ST6GAL2: variants seen among roughly 807,000 people sequenced by gnomAD.
ST6GAL2 encodes ST6 beta-galactoside alpha-2,6-sialyltransferase 2.
ST6GAL2 carries 24 observed loss-of-function variants against 37.5 expected under a neutral mutation model. That is an observed-to-expected ratio of 0.64 (90% CI 0.46 to 0.90). The LOEUF (loss-of-function observed/expected upper bound fraction) is 0.90. ST6GAL2 is among the 40% of genes least tolerant of loss of function. ST6GAL2 has a pLI of 0.00. For synonymous variants in ST6GAL2, 306 were observed against 295.1 expected (o/e 1.04, Z -0.38); for missense variants, 715 against 712.7 (o/e 1.00, Z -0.04).
chr2:106,857,614 C>G (rs1202134103), intron 1 of ST6GAL2, among the ~76,000 whole-genome samples: 1 of 152,006 alleles, frequency 6.6e-6, no homozygotes, highest in Admixed American at 6.6e-5. Context: ...AAAAACAAAA[C>G]AAAACAAAAC....
intron 1 of ST6GAL2, among the ~76,000 whole-genome samples, chr2:106,882,767 C>CCTTCACATG (rs1678805972): frequency 6.6e-6 from 1 of 152,178 alleles, no homozygotes; most frequent in South Asian, 2.1e-4. Flanking sequence ...ACAAACCTAG[C>CCTTCACATG]CTTCACATGC....
At chr2:106,852,524 A>G (rs1677410696) in intron 1 of ST6GAL2, among the ~76,000 whole-genome samples, 1 of 152,226 alleles carries the variant, frequency 6.6e-6, no homozygotes. Context: ...ACTACATCTT[A>G]TTCATTCTTG....
Position 106,804,331 on chromosome 2 carries a change from A to T in ST6GAL2, c.*2347T>A, listed in dbSNP as rs1428551772. 1 of 152,138 alleles carries T rather than the reference A, an allele frequency of 6.6e-6. No individual in the cohort carries two copies. Among genetic ancestry groups the T allele is most frequent in the Non-Finnish European group, 1.5e-5 (1 of 68,020 alleles). The allele number at this position is 152,138 out of a possible 1,614,324, so 9.4% of individuals were successfully genotyped here. On this transcript the variant is annotated 3_prime_UTR_variant, in exon 6 of 6. Coordinates refer to ENST00000409382, the MANE Select transcript of ST6GAL2 (RefSeq NM_001142351.2). ...CAAGTTCTCATGTCAGCCAAGGGGG[A>T]TTATGCTGGATAGTAAGGATGTCTA...
intron 1 of ST6GAL2, among the ~76,000 whole-genome samples, chr2:106,878,399 C>T (rs573398576): frequency 5.3e-5 from 8 of 152,116 alleles, no homozygotes; most frequent in South Asian, 4.1e-4. Flanking sequence ...AAGAAATTGA[C>T]GCTGAGGTGA....
chr2:106,826,539 CAAAA>C (rs67548358), intron 5 of ST6GAL2, among the ~76,000 whole-genome samples: 1,692 of 103,438 alleles, frequency 0.016, 34 homozygotes, highest in African/African-American at 0.047. Flanking sequence ...GACTCCGTCT[CAAAA>C]AAAAAAAAAA....
chr2:106,843,146 G>T lies in ST6GAL2; in HGVS notation c.832C>A (p.Arg278Ser). 1 of 1,560,004 alleles carries T rather than the reference G, an allele frequency of 6.4e-7. No individual in the cohort carries two copies. The highest frequency in any genetic ancestry group is 1.2e-5 in the South Asian group (1 of 84,950). The part of the protein sequence containing the change: ...EAPFSALGWR[R>S]LVPAVPLSQL... ...CTCAGGGGCACGGCGGGCACCAGGCGCCGCCAGCCCAGCGCAGAAAAGGGC... is the reference window on the plus strand; with the variant it reads ...CTCAGGGGCACGGCGGGCACCAGGCTCCGCCAGCCCAGCGCAGAAAAGGGC... Residue 278 changes from arginine (R) to serine (S), a missense_variant, in exon 2 of 6, where the codon CGC becomes AGC. This residue lies in a region of ST6GAL2 where 512 missense variants were observed against 488.8 expected (regional missense o/e 1.05). Transcript: ENST00000409382.
At chr2:106,864,868 C>T (rs926598813) in intron 1 of ST6GAL2, among the ~76,000 whole-genome samples, 15 of 152,142 alleles carry the variant, frequency 9.9e-5, no homozygotes, top group Admixed American at 6.5e-5. Flanking sequence ...AAAGGAACTC[C>T]GACAGTAAAT....
intron 1 of ST6GAL2, among the ~76,000 whole-genome samples, chr2:106,862,375 G>T (rs1359642461): frequency 1.3e-5 from 2 of 152,110 alleles, no homozygotes; most frequent in Non-Finnish European, 2.9e-5. Context: ...TCCCTAGATT[G>T]CTTTTCGAGA....
At chr2:106,837,931 G>A (rs999210309) in intron 2 of ST6GAL2, among the ~76,000 whole-genome samples, 12 of 152,168 alleles carry the variant, frequency 7.9e-5, no homozygotes, top group Admixed American at 1.3e-4. Context: ...CATGGAGAGG[G>A]CAGGGAGGCA....
intron 5 of ST6GAL2, among the ~76,000 whole-genome samples, chr2:106,822,586 G>T (rs897877370): frequency 2.6e-5 from 4 of 151,994 alleles, no homozygotes; most frequent in African/African-American, 9.7e-5. Flanking sequence ...GCAATCCACA[G>T]ATTAAATACA....
intron 1 of ST6GAL2, among the ~76,000 whole-genome samples, chr2:106,855,021 CA>C (rs1425908762): frequency 6.6e-6 from 1 of 151,034 alleles, no homozygotes; most frequent in Non-Finnish European, 1.5e-5. Context: ...CTAATGGGTT[CA>C]CTGTGTTAAT....
rs1425070594 is a variant in ST6GAL2 at position 106,884,934 on chromosome 2, T to TATATATAC, written c.-58+1158_-58+1159insGTATATAT. 3.4e-3 allele frequency among the ~76,000 whole-genome samples: 412 copies of TATATATAC among 120,314 alleles called. 8 individuals carry two copies. The highest frequency in any genetic ancestry group is 9.0e-3 in the African/African-American group (254 of 28,114). The allele number at this position is 120,314 out of a possible 152,430, so 78.9% of individuals were successfully genotyped here. On this transcript the variant is annotated intron_variant, in intron 1 of 5. Transcript: ENST00000409382. Reference sequence around the variant, plus strand: ...ATATATATATATATATATATATATATACATACACACACACACATATATACA... The same window carrying TATATATAC: ...ATATATATATATATATATATATATATATATATACACATACACACACACACATATATACA...
chr2:106,880,664 G>A (rs1158318881), intron 1 of ST6GAL2, among the ~76,000 whole-genome samples: 1 of 152,152 alleles, frequency 6.6e-6, no homozygotes, highest in African/African-American at 2.4e-5. Flanking sequence ...AAACATTTTT[G>A]TTGGTTTCTC....
rs567919911 is a variant in ST6GAL2, at chr2:106,883,638, C to T, written c.-58+2455G>A. ...TAGAAAATCAAAGCTTAACATACAC[C>T]TGCCATGAGGGTACTATCTGATTCC... On this transcript the variant is annotated intron_variant, in intron 1 of 5. Coordinates refer to ENST00000409382, the MANE Select transcript of ST6GAL2 (RefSeq NM_001142351.2). 3.3e-5 allele frequency among the ~76,000 whole-genome samples: 5 copies of T among 152,196 alleles called. No individual in the cohort carries two copies. In the East Asian group the frequency reaches 9.7e-4, roughly 29 times the overall value.
At chr2:106,869,132 T>G (rs1380950102) in intron 1 of ST6GAL2, among the ~76,000 whole-genome samples, 2 of 151,948 alleles carry the variant, frequency 1.3e-5, no homozygotes, top group Non-Finnish European at 2.9e-5. Context: ...TGGAGGGGAT[T>G]TGGGGAGTGG....
At chr2:106,812,350 GACA>G (rs1447746748) in intron 5 of ST6GAL2, among the ~76,000 whole-genome samples, 1 of 152,190 alleles carries the variant, frequency 6.6e-6, no homozygotes, top group Non-Finnish European at 1.5e-5. Flanking sequence ...AAATAATGGA[GACA>G]ACAACACAAA....
intron 5 of ST6GAL2, among the ~76,000 whole-genome samples, chr2:106,815,280 T>C (rs1485803328): frequency 6.6e-6 from 1 of 152,192 alleles, no homozygotes; most frequent in Non-Finnish European, 1.5e-5. Flanking sequence ...CTAATACTCC[T>C]GGGAATTTAT....
chr2:106,882,524 T>C (rs1340634439), intron 1 of ST6GAL2, among the ~76,000 whole-genome samples: 1 of 152,258 alleles, frequency 6.6e-6, no homozygotes, highest in Admixed American at 6.5e-5. Flanking sequence ...TTTGAATTAC[T>C]ACCATCTCCT....
rs1207673161 is a variant in ST6GAL2 at position 106,803,115 on chromosome 2, G to C, written c.*3563C>G. On this transcript the variant is annotated 3_prime_UTR_variant, in exon 6 of 6. Transcript: ENST00000409382. ...TTAACTGGCTCATACACATGTAAGA[G>C]AGTGACCCAGCTACTTTGATTTCCT... 1 of 152,198 alleles carries C rather than the reference G, an allele frequency of 6.6e-6. No homozygotes were observed. Among genetic ancestry groups the C allele is most frequent in the African/African-American group, 2.4e-5 (1 of 41,456 alleles). The allele number at this position is 152,198 out of a possible 1,614,324, so 9.4% of individuals were successfully genotyped here. A position where few individuals can be genotyped will look rare whatever the true frequency, so the allele number is the denominator to read the frequency against.
Sources: allele counts gnomAD v4.1 joint callset (sites outside exome capture counted in the v4.1 genomes callset), GRCh38; gene constraint gnomAD v4.1.1; regional missense constraint gnomAD v4.1.1; transcripts MANE v1.5; gene names NCBI Gene and HGNC (gene_info 2026-07-23, HGNC 2026-07-21).